LRRC4C: variants seen among roughly 807,000 people sequenced by gnomAD.
LRRC4C encodes leucine-rich repeat-containing protein 4C.
LRRC4C carries 5 observed loss-of-function variants against 33.6 expected under a neutral mutation model. That is an observed-to-expected ratio of 0.15 (90% CI 0.08 to 0.31). The LOEUF (loss-of-function observed/expected upper bound fraction) is 0.31. LRRC4C is among the 10% of genes least tolerant of loss of function. The probability of loss-of-function intolerance (pLI) is 1.00; values close to 1 mark genes in which losing one functional copy is unlikely to be tolerated. For synonymous variants in LRRC4C, 329 were observed against 302.0 expected (o/e 1.09, Z -0.93); for missense variants, 560 against 796.7 (o/e 0.70, Z 3.58).
chr11:40,147,640 T>G, intron 5 of LRRC4C, among the ~76,000 whole-genome samples: 1 of 151,606 alleles, frequency 6.6e-6, no homozygotes, highest in East Asian at 1.9e-4. Context: ...AGACAGATAA[T>G]AAATAATTAA....
intron 4 of LRRC4C, among the ~76,000 whole-genome samples, chr11:40,302,775 T>C (rs775485543): frequency 6.6e-6 from 1 of 152,204 alleles, no homozygotes; most frequent in Admixed American, 6.5e-5. Flanking sequence ...GACACACTTA[T>C]ATTTTTGTAA....
chr11:40,898,696 A>T (rs1956076836), intron 2 of LRRC4C, among the ~76,000 whole-genome samples: 1 of 152,170 alleles, frequency 6.6e-6, no homozygotes, highest in Admixed American at 6.5e-5. Context: ...CAATAAAAAT[A>T]GTAGATTCAA....
chr11:41,271,851 G>C lies in LRRC4C; in HGVS notation c.-496+187580C>G, dbSNP rs369388910. 1.2e-4 allele frequency among the ~76,000 whole-genome samples: 18 copies of C among 152,226 alleles called. No homozygotes were observed. In the East Asian group the frequency reaches 2.3e-3, roughly 20 times the overall value. On this transcript the variant is annotated intron_variant, in intron 1 of 6. Coordinates refer to ENST00000528697, the MANE Select transcript of LRRC4C (RefSeq NM_001258419.2). ...TGTCTCAAAGGAAAAGAGGCAGAGA[G>C]GAAGGAATGAATGCTAATTGTTAAA...
intron 3 of LRRC4C, among the ~76,000 whole-genome samples, chr11:40,522,785 A>G (rs1208997588): frequency 6.6e-6 from 1 of 152,180 alleles, no homozygotes; most frequent in Non-Finnish European, 1.5e-5. Context: ...ACTTCCAATA[A>G]AAGGAATAAT....
chr11:41,178,811 C>A (rs1207460364), intron 1 of LRRC4C, among the ~76,000 whole-genome samples: 1 of 152,236 alleles, frequency 6.6e-6, no homozygotes, highest in East Asian at 1.9e-4. Context: ...TCAAGCAATT[C>A]TCTGCCTCAG....
At chr11:40,314,097 C>A (rs2136783563) in intron 4 of LRRC4C, among the ~76,000 whole-genome samples, 1 of 151,956 alleles carries the variant, frequency 6.6e-6, no homozygotes, top group South Asian at 2.1e-4. Flanking sequence ...AAGTTGCAAA[C>A]TATTTACCTG....
At chr11:41,222,640 A>G (rs971130375) in intron 1 of LRRC4C, among the ~76,000 whole-genome samples, 5 of 151,986 alleles carry the variant, frequency 3.3e-5, no homozygotes, top group Non-Finnish European at 4.4e-5. Flanking sequence ...CTGTAACAAC[A>G]AAGTTTTGAC....
intron 2 of LRRC4C, among the ~76,000 whole-genome samples, chr11:40,707,382 C>A (rs552396652): frequency 6.6e-6 from 1 of 152,104 alleles, no homozygotes; most frequent in Non-Finnish European, 1.5e-5. Context: ...GAGATACGTT[C>A]CATCAATACC....
At chr11:40,122,232 C>T in intron 6 of LRRC4C, among the ~76,000 whole-genome samples, 1 of 152,128 alleles carries the variant, frequency 6.6e-6, no homozygotes, top group African/African-American at 2.4e-5. Flanking sequence ...TAGACTCATA[C>T]TTCCAATTCT....
At chr11:40,862,972 T>C (rs1436787246) in intron 2 of LRRC4C, among the ~76,000 whole-genome samples, 3 of 152,224 alleles carry the variant, frequency 2.0e-5, no homozygotes, top group Admixed American at 2.0e-4. Flanking sequence ...ATTCATGCTT[T>C]GAGGTTCTCC....
intron 1 of LRRC4C, among the ~76,000 whole-genome samples, chr11:41,035,378 C>A (rs1419996358): frequency 6.6e-6 from 1 of 152,090 alleles, no homozygotes; most frequent in Non-Finnish European, 1.5e-5. Context: ...TCTCCCCCTG[C>A]ATCCCCTCTC....
At chr11:40,779,360 C>G (rs1591699111) in intron 2 of LRRC4C, among the ~76,000 whole-genome samples, 1 of 152,220 alleles carries the variant, frequency 6.6e-6, no homozygotes, top group Admixed American at 6.5e-5. Flanking sequence ...TAACCTAATG[C>G]CTATCTTGGC....
intron 1 of LRRC4C, among the ~76,000 whole-genome samples, chr11:41,455,791 T>C (rs1014173571): frequency 2.6e-5 from 4 of 152,164 alleles, no homozygotes; most frequent in Non-Finnish European, 4.4e-5. Flanking sequence ...CCAAATTATA[T>C]AGGAAGAAAT....
chr11:40,834,911 G>GACAGACACACACACACACACACAC (rs748483585), intron 2 of LRRC4C, among the ~76,000 whole-genome samples: 42 of 84,930 alleles, frequency 4.9e-4, no homozygotes, highest in East Asian at 2.4e-3. Context: ...CAGACAGACA[G>GACAGACACACACACACACACACAC]ACACACACAC....
intron 2 of LRRC4C, among the ~76,000 whole-genome samples, chr11:40,904,176 A>G (rs1470281581): frequency 6.6e-6 from 1 of 152,100 alleles, no homozygotes. Flanking sequence ...TTGGGCTGGC[A>G]ATTGCAAGTT....
intron 2 of LRRC4C, among the ~76,000 whole-genome samples, chr11:40,701,704 A>T (rs1158976825): frequency 6.6e-6 from 1 of 151,380 alleles, no homozygotes; most frequent in African/African-American, 2.4e-5. Flanking sequence ...GGAAATGTGA[A>T]ATTAGTGTAA....
Position 40,733,884 on chromosome 11 carries a change from T to C in LRRC4C, c.-406-85606A>G, listed in dbSNP as rs568741054. Among the ~76,000 whole-genome samples the C allele has an allele frequency of 7.2e-5, 11 of 152,282 alleles. No individual in the cohort carries two copies. The South Asian group carries it at 1.9e-3, about 26-fold the overall frequency. On this transcript the variant is annotated intron_variant, in intron 2 of 6. Coordinates refer to ENST00000528697, the MANE Select transcript of LRRC4C (RefSeq NM_001258419.2). ...CACTCTTCTTGGGGTTTACAAGGAA[T>C]GACAGGATCCTTAAATTTTGAGAAA...
At chr11:41,309,956 C>G (rs541113135) in intron 1 of LRRC4C, among the ~76,000 whole-genome samples, 9 of 152,202 alleles carry the variant, frequency 5.9e-5, no homozygotes, top group Non-Finnish European at 1.0e-4. Flanking sequence ...TCTTCAACTG[C>G]GCTTTGATGT....
chr11:40,263,739 C>T (rs762228636), intron 4 of LRRC4C, among the ~76,000 whole-genome samples: 15 of 152,312 alleles, frequency 9.8e-5, no homozygotes, highest in Admixed American at 2.6e-4. Flanking sequence ...GCCATTCATG[C>T]GGCTAAATTC....
Sources: gnomAD v4.1 joint callset for allele counts (sites outside exome capture counted in the v4.1 genomes callset) on GRCh38, gnomAD v4.1.1 for gene constraint, MANE v1.5 for transcripts, NCBI Gene and HGNC (gene_info 2026-07-23, HGNC 2026-07-21) for gene names.